UBE3A: variants seen among roughly 807,000 people sequenced by gnomAD.
The protein encoded by UBE3A is ubiquitin protein ligase E3A, also known as ubiquitin-protein ligase E3A.
Under a neutral mutation model 83.4 loss-of-function variants are expected in UBE3A, and 6 were observed. The observed-to-expected ratio is 0.07, with a 90% CI of 0.04 to 0.14. The LOEUF (loss-of-function observed/expected upper bound fraction) is 0.14, where lower values mean the gene tolerates loss of function less well. Among genes scored for constraint, UBE3A ranks in the 10% least tolerant of loss-of-function variants. The probability of loss-of-function intolerance (pLI) is 1.00; values close to 1 mark genes in which losing one functional copy is unlikely to be tolerated. For synonymous variants in UBE3A, 337 were observed against 355.4 expected (o/e 0.95, Z 0.58); for missense variants, 456 against 1,036.1 (o/e 0.44, Z 7.69).
At chr15:25,412,749 GGTT>G (rs2090220862) in intron 1 of UBE3A, among the ~76,000 whole-genome samples, 1 of 150,056 alleles carries the variant, frequency 6.7e-6, no homozygotes, top group African/African-American at 2.5e-5. Context: ...GTGTCCTAGA[GGTT>G]GATGGTAGAA....
At chr15:25,420,820 A>G (rs1889433295) in intron 1 of UBE3A, 3 of 152,198 alleles carry the variant, frequency 2.0e-5, no homozygotes, top group Admixed American at 2.0e-4. Context: ...TAACCAAAAG[A>G]ATTAAAAGAA....
chr15:25,434,165 C>T (rs1209188644), intron 1 of UBE3A, among the ~76,000 whole-genome samples: 2 of 152,112 alleles, frequency 1.3e-5, no homozygotes, highest in African/African-American at 4.8e-5. Flanking sequence ...AATTATTATC[C>T]ATAATGGCAT....
chr15:25,359,314 G>T (rs1325109953), intron 7 of UBE3A, among the ~76,000 whole-genome samples: 3 of 151,926 alleles, frequency 2.0e-5, no homozygotes, highest in Non-Finnish European at 4.4e-5. Context: ...TCTCAAAAAG[G>T]GCGTCGTCTT....
rs2074100625 is a variant in UBE3A at position 25,337,988 on chromosome 15, G to A, written c.*1149C>T. ...GGGCTATACAATGTAATTCTTAGGAGTAATAGTTTCATTCATTTCCAGGTC... is the reference window on the plus strand; with the variant it reads ...GGGCTATACAATGTAATTCTTAGGAATAATAGTTTCATTCATTTCCAGGTC... On this transcript the variant is annotated 3_prime_UTR_variant, in exon 13 of 13. Coordinates refer to ENST00000648336, the MANE Select transcript of UBE3A (RefSeq NM_130839.5). 1 of 151,992 alleles carries A rather than the reference G, an allele frequency of 6.6e-6. No individual in the cohort carries two copies. Among genetic ancestry groups the A allele is most frequent in the Non-Finnish European group, 1.5e-5 (1 of 67,976 alleles). 9.4% of individuals were successfully genotyped at this position (151,992 alleles called of 1,614,324 possible). A position where few individuals can be genotyped will look rare whatever the true frequency, so the allele number is the denominator to read the frequency against.
In UBE3A at chr15:25,355,930, T is replaced by C. The variant is rs587784523; in HGVS notation, c.2086A>G (p.Asn696Asp). The C allele has an allele frequency of 2.5e-6, 4 of 1,613,692 alleles. No homozygotes were observed. The highest frequency in any genetic ancestry group is 2.5e-6 in the Non-Finnish European group (3 of 1,179,772). ...TTTGTAATTGGAATTTTATCACCAT[T>C]TTCCTTTAGATCATACATCATTGGG... ...GNPMMYDLKE[N>D]GDKIPITNEN... The change falls in exon 9 of 13, where the codon AAT becomes GAT. Residue 696 changes from asparagine to aspartate, a missense_variant. Physicochemically the swap from Asn to Asp is conservative, Grantham distance 23. Coordinates refer to ENST00000648336, the MANE Select transcript of UBE3A (RefSeq NM_130839.5).
At chr15:25,416,047 T>G (rs1238910592) in intron 1 of UBE3A, among the ~76,000 whole-genome samples, 1 of 152,152 alleles carries the variant, frequency 6.6e-6, no homozygotes, top group African/African-American at 2.4e-5. Context: ...TTCCTTTCTC[T>G]ACCAGATATT....
intron 11 of UBE3A, among the ~76,000 whole-genome samples, chr15:25,347,950 C>G (rs2075955737): frequency 1.3e-5 from 2 of 151,974 alleles, no homozygotes; most frequent in South Asian, 4.2e-4. Flanking sequence ...AAAATGACAA[C>G]TATATGCTGT....
At chr15:25,412,125 C>T (rs920906536) in intron 1 of UBE3A, among the ~76,000 whole-genome samples, 154 bp from the exon 2 acceptor site, 1 of 152,008 alleles carries the variant, frequency 6.6e-6, no homozygotes, top group South Asian at 2.1e-4. Context: ...CTGCTGTTGC[C>T]GGGATGAGGA....
chr15:25,346,524 C>T (rs1290029178), intron 11 of UBE3A: 3 of 152,080 alleles, frequency 2.0e-5, no homozygotes, highest in Non-Finnish European at 4.4e-5. Context: ...AGGAAAATTA[C>T]ATGAAGGAAA....
chr15:25,415,600 AG>A (rs1356477135), intron 1 of UBE3A: 1 of 152,180 alleles, frequency 6.6e-6, no homozygotes, highest in Non-Finnish European at 1.5e-5. Context: ...TGTATCTCAC[AG>A]GGTTATCTAA....
Position 25,426,346 on chromosome 15 carries a change from A to C in UBE3A, c.-165+12143T>G, listed in dbSNP as rs545490746. Among the ~76,000 whole-genome samples, 7 of 152,344 alleles carry C rather than the reference A, an allele frequency of 4.6e-5. No homozygotes were observed. The South Asian group carries it at 1.4e-3, about 32-fold the overall frequency. On this transcript the variant is annotated intron_variant, in intron 1 of 12. Transcript: ENST00000648336. Reference sequence around the variant, plus strand: ...CTGTACCATATAGTCCCAATGATTTATTATTCTGAAATTTTCCTCTGGGTT... The same window carrying C: ...CTGTACCATATAGTCCCAATGATTTCTTATTCTGAAATTTTCCTCTGGGTT...
chr15:25,372,930 AAATGTAAGTGATCATTG>A (rs1418032895), intron 5 of UBE3A, among the ~76,000 whole-genome samples: 1 of 152,176 alleles, frequency 6.6e-6, no homozygotes, highest in African/African-American at 2.4e-5. Context: ...AGACAATATA[AAATGTAAGTGATCATTG>A]AATGGTCTCC....
At chr15:25,438,303 A>G (rs1417969816) in intron 1 of UBE3A, 186 bp downstream of exon 1, 1 of 152,346 alleles carries the variant, frequency 6.6e-6, no homozygotes, top group Non-Finnish European at 1.5e-5. Context: ...TTACGGCTGC[A>G]GCAGCCGCGG....
intron 4 of UBE3A, among the ~76,000 whole-genome samples, chr15:25,385,296 C>G (rs978188374): frequency 1.3e-5 from 2 of 152,110 alleles, no homozygotes; most frequent in Non-Finnish European, 2.9e-5. Context: ...CTTGAATAGT[C>G]ATTTTTCCAA....
At chr15:25,342,099 C>A (rs2074943358) in intron 11 of UBE3A, among the ~76,000 whole-genome samples, 1 of 152,078 alleles carries the variant, frequency 6.6e-6, no homozygotes, top group South Asian at 2.1e-4. Flanking sequence ...GAGCATCTCT[C>A]AGGTAAGGAG....
intron 1 of UBE3A, among the ~76,000 whole-genome samples, chr15:25,423,744 A>G (rs1890499837): frequency 6.6e-6 from 1 of 152,148 alleles, no homozygotes; most frequent in Non-Finnish European, 1.5e-5. Flanking sequence ...TGGGCATGTG[A>G]TATGATGCAC....
chr15:25,351,677 G>A (rs929047146), intron 11 of UBE3A, among the ~76,000 whole-genome samples: 10 of 152,084 alleles, frequency 6.6e-5, no homozygotes, highest in Non-Finnish European at 1.3e-4. Flanking sequence ...CCCCATGTTT[G>A]CCAGGCTGGT....
intron 4 of UBE3A, among the ~76,000 whole-genome samples, chr15:25,382,161 A>AC (rs1353606871): frequency 6.6e-6 from 1 of 152,112 alleles, no homozygotes; most frequent in African/African-American, 2.4e-5. Context: ...TACTAAAAAT[A>AC]CAAAAAAAAA....
At chr15:25,402,486 G>C (rs1361247247) in intron 4 of UBE3A, among the ~76,000 whole-genome samples, 1 of 152,216 alleles carries the variant, frequency 6.6e-6, no homozygotes, top group Non-Finnish European at 1.5e-5. Flanking sequence ...AGAGGGCAGG[G>C]CTGCAGGGAC....
Sources: gnomAD v4.1 joint callset for allele counts (sites outside exome capture counted in the v4.1 genomes callset) on GRCh38, gnomAD v4.1.1 for gene constraint, MANE v1.5 for transcripts, NCBI Gene and HGNC (gene_info 2026-07-23, HGNC 2026-07-21) for gene names.